The following RARB variants were observed in gnomAD, a reference collection of about 807,000 sequenced individuals.
The protein encoded by RARB is HBV-activated protein.
A neutral mutation model predicts 51.9 loss-of-function variants in RARB; 17 were observed. That is an observed-to-expected ratio of 0.33 (90% CI 0.22 to 0.49). The LOEUF (loss-of-function observed/expected upper bound fraction) is 0.49. Among genes scored for constraint, RARB ranks in the 20% least tolerant of loss-of-function variants. The pLI is 0.99. For missense variants in RARB, 369 were observed against 550.8 expected, an observed-to-expected ratio of 0.67 and a Z score of 3.30; for synonymous variants, 215 against 195.4, an observed-to-expected ratio of 1.10 and a Z score of -0.84.
At chr3:24,929,492 G>C (rs1422164988) in intron 2 of RARB, among the ~76,000 whole-genome samples, 2 of 152,072 alleles carry the variant, frequency 1.3e-5, no homozygotes, top group African/African-American at 4.8e-5. Flanking sequence ...AAAGAGCAAA[G>C]AGTGGTTTTA....
At chr3:25,106,287 A>AT (rs1275562730) in intron 3 of RARB, among the ~76,000 whole-genome samples, 7 of 32,922 alleles carry the variant, frequency 2.1e-4, no homozygotes, top group African/African-American at 3.8e-4. Context: ...AAATTCTTTT[A>AT]TTTTTTTTGA....
At chr3:24,867,540 C>A (rs1344589047) in intron 2 of RARB, among the ~76,000 whole-genome samples, 2 of 152,062 alleles carry the variant, frequency 1.3e-5, no homozygotes, top group Non-Finnish European at 2.9e-5. Flanking sequence ...TCTCAGAAAC[C>A]CTTGCTGCCT....
At chr3:25,270,265 T>G (rs889294616) in intron 5 of RARB, among the ~76,000 whole-genome samples, 1 of 152,146 alleles carries the variant, frequency 6.6e-6, no homozygotes, top group African/African-American at 2.4e-5. Flanking sequence ...ATAAGCCAAA[T>G]GCGGTCTGTA....
At chr3:25,329,068 G>C (rs1267182424) in intron 5 of RARB, among the ~76,000 whole-genome samples, 1 of 152,208 alleles carries the variant, frequency 6.6e-6, no homozygotes, top group Non-Finnish European at 1.5e-5. Context: ...AAGGAGGCCT[G>C]CCTGCCTCTG....
At chr3:25,231,877 T>TA (rs1255683084) in intron 5 of RARB, among the ~76,000 whole-genome samples, 2 of 152,132 alleles carry the variant, frequency 1.3e-5, no homozygotes, top group Non-Finnish European at 2.9e-5. Context: ...TTCATTCTCT[T>TA]AGTGTTTTTT....
intron 4 of RARB, among the ~76,000 whole-genome samples, chr3:25,138,932 G>A (rs1469836125): frequency 1.3e-5 from 2 of 152,066 alleles, no homozygotes; most frequent in Non-Finnish European, 2.9e-5. Flanking sequence ...TCCTGTCTCT[G>A]TCACAAATAT....
chr3:25,490,739 A>G (rs1460392214), intron 2 of RARB, among the ~76,000 whole-genome samples: 1 of 152,162 alleles, frequency 6.6e-6, no homozygotes, highest in African/African-American at 2.4e-5. Flanking sequence ...TAAAAACTTA[A>G]AATTCATTGG....
rs186028543 is a variant in RARB at position 25,368,276 on chromosome 3, T to G, written c.179-92917T>G. 9.2e-5 allele frequency among the ~76,000 whole-genome samples: 14 copies of G among 152,302 alleles called. No homozygotes were observed. In the East Asian group the frequency reaches 2.5e-3, roughly 27 times the overall value. ...GCAAGAAATATGAAGGTCTGGGAAT[T>G]TCTAGACTAGGCAATTGATATTTTT... On this transcript the variant is annotated intron_variant, in intron 5 of 11. Coordinates refer to the RARB transcript ENST00000383772.
intron 3 of RARB, among the ~76,000 whole-genome samples, chr3:25,501,835 A>G (rs920128864): frequency 1.3e-5 from 2 of 152,218 alleles, no homozygotes; most frequent in African/African-American, 4.8e-5. Flanking sequence ...TCTCCAAGCC[A>G]TCTTTTCCAA....
At chr3:25,350,441 G>C (rs1705527706) in intron 5 of RARB, among the ~76,000 whole-genome samples, 1 of 152,200 alleles carries the variant, frequency 6.6e-6, no homozygotes, top group African/African-American at 2.4e-5. Flanking sequence ...GGAATTGTTG[G>C]AGTGCAAGGA....
At chr3:25,200,922 C>G (rs1434387727) in intron 5 of RARB, among the ~76,000 whole-genome samples, 5 of 152,144 alleles carry the variant, frequency 3.3e-5, no homozygotes. Flanking sequence ...CTTGGCGATG[C>G]AGGCTCTTTT....
intron 3 of RARB, among the ~76,000 whole-genome samples, chr3:25,568,263 G>A (rs1700576444): frequency 1.3e-5 from 2 of 152,278 alleles, no homozygotes; most frequent in African/African-American, 2.4e-5. Flanking sequence ...TCCAAGTGAG[G>A]AAGGAACTTC....
At chr3:25,304,201 C>A (rs1704105397) in intron 5 of RARB, among the ~76,000 whole-genome samples, 1 of 152,196 alleles carries the variant, frequency 6.6e-6, no homozygotes, top group Non-Finnish European at 1.5e-5. Flanking sequence ...TTCCGAATCC[C>A]AGCTGTACTG....
At chr3:24,905,090 C>T (rs986404097) in intron 2 of RARB, among the ~76,000 whole-genome samples, 4 of 152,128 alleles carry the variant, frequency 2.6e-5, no homozygotes, top group African/African-American at 9.7e-5. Flanking sequence ...ACCTATGTAA[C>T]AAACCTGCAC....
intron 1 of RARB, among the ~76,000 whole-genome samples, chr3:24,841,009 A>T (rs765708214): frequency 1.3e-5 from 2 of 152,144 alleles, no homozygotes; most frequent in Non-Finnish European, 2.9e-5. Flanking sequence ...AGTATTTTGG[A>T]GATCAATGGG....
In RARB at chr3:25,545,302, G is replaced by A. The variant is rs796500164; in HGVS notation, c.449-24456G>A. ...TTGTACTTTTCCCTTAAGAAAGATG[G>A]CAGTGATGGGCTCTACTGAACCACA... On this transcript the variant is annotated intron_variant, in intron 3 of 7. Coordinates refer to ENST00000330688, the MANE Select transcript of RARB (RefSeq NM_000965.5). Among the ~76,000 whole-genome samples, 7 of 152,218 alleles carry A rather than the reference G, an allele frequency of 4.6e-5. 1 individual carries two copies. The highest frequency in any genetic ancestry group is 1.7e-4 in the African/African-American group (7 of 41,534).
intron 5 of RARB, among the ~76,000 whole-genome samples, chr3:25,334,617 A>G (rs188526173): frequency 5.3e-5 from 8 of 152,286 alleles, no homozygotes; most frequent in East Asian, 3.9e-4. Context: ...AACGTGGCAC[A>G]TGTATACATA....
At chr3:24,913,402 C>CT (rs66779362) in intron 2 of RARB, among the ~76,000 whole-genome samples, 4,026 of 108,376 alleles carry the variant, frequency 0.037, 107 homozygotes, top group South Asian at 0.11. Context: ...CTCTCTCTCT[C>CT]TTTTTTTTTT....
intron 5 of RARB, among the ~76,000 whole-genome samples, chr3:25,318,938 G>A (rs1331945099): frequency 6.6e-6 from 1 of 152,144 alleles, no homozygotes; most frequent in Non-Finnish European, 1.5e-5. Flanking sequence ...GCCCAGCATA[G>A]ATAGTAACTC....
Sources: gnomAD v4.1 joint callset for allele counts (sites outside exome capture counted in the v4.1 genomes callset) on GRCh38, gnomAD v4.1.1 for gene constraint, MANE v1.5 for transcripts, NCBI Gene and HGNC (gene_info 2026-07-23, HGNC 2026-07-21) for gene names.